Variants in ASTN1 observed in about 807,000 individuals in gnomAD.
ASTN1 encodes the protein astrotactin 1, also known as astrotactin-1.
Under a neutral mutation model 140.7 loss-of-function variants are expected in ASTN1, and 41 were observed. That is an observed-to-expected ratio of 0.29 (90% CI 0.23 to 0.38). The LOEUF (loss-of-function observed/expected upper bound fraction) is 0.38. ASTN1 is among the 10% of genes least tolerant of loss of function. The pLI, the probability that ASTN1 is intolerant of heterozygous loss-of-function variation, is 1.00. For missense variants in ASTN1, 1,479 were observed against 1,678.8 expected (o/e 0.88, Z 2.08); for synonymous variants, 640 against 652.2 (o/e 0.98, Z 0.29).
intron 1 of ASTN1, among the ~76,000 whole-genome samples, chr1:177,094,600 G>T (rs920895757): frequency 6.6e-6 from 1 of 152,218 alleles, no homozygotes; most frequent in Non-Finnish European, 1.5e-5. Flanking sequence ...GGAACTGTGA[G>T]AAGCAAATTT....
intron 8 of ASTN1, among the ~76,000 whole-genome samples, chr1:176,983,517 G>A (rs1673730269): frequency 6.6e-6 from 1 of 152,078 alleles, no homozygotes. Flanking sequence ...TGGTATATTT[G>A]TAAACACCAT....
At chr1:177,090,856 T>C (rs1008985275) in intron 1 of ASTN1, among the ~76,000 whole-genome samples, 5 of 151,956 alleles carry the variant, frequency 3.3e-5, no homozygotes, top group East Asian at 1.9e-4. Context: ...TAAAACTAGT[T>C]CATTCCGTTG....
intron 1 of ASTN1, among the ~76,000 whole-genome samples, chr1:177,104,265 C>A (rs1680439903): frequency 1.3e-5 from 2 of 152,130 alleles, no homozygotes; most frequent in Non-Finnish European, 2.9e-5. Context: ...GCAAACAGAG[C>A]ATACTCTTTA....
intron 8 of ASTN1, among the ~76,000 whole-genome samples, chr1:176,971,393 T>C (rs1373001238): frequency 6.6e-6 from 1 of 152,172 alleles, no homozygotes; most frequent in Middle Eastern, 3.2e-3. Context: ...GGTAAACCTG[T>C]GGCTTTATCA....
chr1:176,876,343 T>A (rs1557927717), intron 21 of ASTN1, among the ~76,000 whole-genome samples, 194 bp downstream of exon 21: 1 of 152,044 alleles, frequency 6.6e-6, no homozygotes, highest in East Asian at 1.9e-4. Context: ...AGTAATGCAA[T>A]ACGATGAGGA....
intron 20 of ASTN1, among the ~76,000 whole-genome samples, chr1:176,878,262 C>T (rs191059777): frequency 2.6e-5 from 4 of 152,322 alleles, no homozygotes; most frequent in African/African-American, 9.6e-5. Flanking sequence ...AGTGTGCAGC[C>T]CTTCACTCCT....
chr1:177,157,386 G>A (rs187054235), intron 1 of ASTN1, among the ~76,000 whole-genome samples: 14 of 152,192 alleles, frequency 9.2e-5, no homozygotes, highest in Middle Eastern at 3.4e-3. Context: ...TAGGATCTCC[G>A]CTCACTGCAA....
intron 1 of ASTN1, among the ~76,000 whole-genome samples, chr1:177,163,167 T>A (rs1195707771): frequency 6.6e-6 from 1 of 152,174 alleles, no homozygotes; most frequent in African/African-American, 2.4e-5. Context: ...GGAAACCATG[T>A]TTCTGCAAAT....
At chr1:176,872,693 G>A (rs1296239388) in intron 21 of ASTN1, among the ~76,000 whole-genome samples, 1 of 152,014 alleles carries the variant, frequency 6.6e-6, no homozygotes, top group African/African-American at 2.4e-5. Context: ...CCACACTCTT[G>A]GAGCTCCTCT....
chr1:177,061,819 T>A (rs1678111822), intron 1 of ASTN1, among the ~76,000 whole-genome samples: 1 of 152,234 alleles, frequency 6.6e-6, no homozygotes, highest in Non-Finnish European at 1.5e-5. Context: ...CCACTGGAGA[T>A]GTTTGCTAAC....
chr1:177,011,565 AC>A, intron 8 of ASTN1, among the ~76,000 whole-genome samples: 1 of 149,388 alleles, frequency 6.7e-6, no homozygotes, highest in Non-Finnish European at 1.5e-5. Flanking sequence ...ATGCACATAC[AC>A]ACACACACAC....
chr1:176,909,122 C>G (rs919567845), intron 16 of ASTN1, among the ~76,000 whole-genome samples: 1 of 152,232 alleles, frequency 6.6e-6, no homozygotes, highest in South Asian at 2.1e-4. Flanking sequence ...AGGTCTCTGA[C>G]AGCATCGAGT....
intron 3 of ASTN1, among the ~76,000 whole-genome samples, chr1:177,031,975 A>G (rs1434864007): frequency 2.0e-5 from 3 of 152,190 alleles, no homozygotes; most frequent in Non-Finnish European, 1.5e-5. Flanking sequence ...GAGAGCACAG[A>G]GGCATGAGCA....
At chr1:176,925,956 G>C (rs928482947) in intron 16 of ASTN1, among the ~76,000 whole-genome samples, 1 of 151,940 alleles carries the variant, frequency 6.6e-6, no homozygotes, top group Admixed American at 6.6e-5. Flanking sequence ...CAGGTGCCCG[G>C]CACCACGCCC....
At chr1:176,988,521 T>C (rs957061377) in intron 8 of ASTN1, among the ~76,000 whole-genome samples, 13 of 152,202 alleles carry the variant, frequency 8.5e-5, no homozygotes, top group African/African-American at 4.8e-5. Flanking sequence ...TCAAAAGAAC[T>C]TGGCTCTGGG....
At chr1:177,112,032 C>G (rs1680845495) in intron 1 of ASTN1, among the ~76,000 whole-genome samples, 1 of 152,156 alleles carries the variant, frequency 6.6e-6, no homozygotes, top group Non-Finnish European at 1.5e-5. Flanking sequence ...CCCCAGCTCC[C>G]TCTCAAGTTC....
chr1:176,866,817 AATCCTCTGTTTGCTCAG>A (rs1422430200), intron 22 of ASTN1, among the ~76,000 whole-genome samples: 1 of 152,110 alleles, frequency 6.6e-6, no homozygotes, highest in East Asian at 1.9e-4. Flanking sequence ...GAACTGAGGG[AATCCTCTGTTTGCTCAG>A]AGGAAGTAAG....
intron 8 of ASTN1, among the ~76,000 whole-genome samples, chr1:176,986,747 C>T (rs747732033): frequency 6.6e-5 from 10 of 152,122 alleles, no homozygotes; most frequent in Non-Finnish European, 5.9e-5. Context: ...TGTAGAACAA[C>T]GATAATAATG....
downstream of ASTN1, chr1:176,857,479 G>GCGCA: frequency 2.4e-6 from 1 of 416,756 alleles, no homozygotes; most frequent in Non-Finnish European, 4.3e-6. Flanking sequence ...CAACATCAGG[G>GCGCA]CGCAGCTCCT....
Sources: allele counts gnomAD v4.1 joint callset (sites outside exome capture counted in the v4.1 genomes callset), GRCh38; gene constraint gnomAD v4.1.1; transcripts MANE v1.5; gene names NCBI Gene and HGNC (gene_info 2026-07-23, HGNC 2026-07-21).